VTCN1: variants seen among roughly 807,000 people sequenced by gnomAD.
VTCN1 encodes the protein V-set domain containing T cell activation inhibitor 1.
In VTCN1, 26 loss-of-function variants were observed where a neutral mutation model predicts 26.5. The ratio of observed to expected loss-of-function variants is 0.98; its 90% CI spans 0.72 to 1.36. The LOEUF is 1.36. Ranked by LOEUF, VTCN1 falls within the 40% of genes most tolerant of loss-of-function variation. The probability of loss-of-function intolerance (pLI) is 0.00; values close to 1 mark genes in which losing one functional copy is unlikely to be tolerated. For synonymous variants in VTCN1, 116 were observed against 130.7 expected, an observed-to-expected ratio of 0.89 and a Z score of 0.77; for missense variants, 298 against 337.7, an observed-to-expected ratio of 0.88 and a Z score of 0.92.
intron 1 of VTCN1, among the ~76,000 whole-genome samples, chr1:117,186,443 C>T (rs1248245508): frequency 6.6e-6 from 1 of 152,204 alleles, no homozygotes; most frequent in Non-Finnish European, 1.5e-5. Flanking sequence ...TAACTGGTTA[C>T]AGCTTCCTCC....
At chr1:117,203,290 G>C (rs1015046356) in intron 1 of VTCN1, among the ~76,000 whole-genome samples, 5 of 152,120 alleles carry the variant, frequency 3.3e-5, no homozygotes, top group African/African-American at 2.4e-5. Context: ...AGAGGGAAGA[G>C]AGGTATGAAA....
intron 1 of VTCN1, among the ~76,000 whole-genome samples, chr1:117,192,813 G>A (rs1313879521): frequency 3.3e-5 from 5 of 151,968 alleles, no homozygotes; most frequent in South Asian, 2.1e-4. Context: ...CTACAAAAAA[G>A]TAATCAAATC....
At chr1:117,200,290 C>T (rs978550902) in intron 1 of VTCN1, among the ~76,000 whole-genome samples, 2 of 152,054 alleles carry the variant, frequency 1.3e-5, no homozygotes, top group Non-Finnish European at 1.5e-5. Flanking sequence ...ATCCCAGCTA[C>T]CTGGGAGGCT....
intron 1 of VTCN1, among the ~76,000 whole-genome samples, chr1:117,172,152 A>G (rs1652953106): frequency 9.2e-5 from 14 of 152,204 alleles, no homozygotes; most frequent in Admixed American, 9.2e-4. Flanking sequence ...AAAGAAAGGC[A>G]CAGGGAGGCA....
chr1:117,182,036 G>C (rs373267413), intron 1 of VTCN1, among the ~76,000 whole-genome samples: 1 of 152,100 alleles, frequency 6.6e-6, no homozygotes, highest in Non-Finnish European at 1.5e-5. Context: ...AGAAGCACTT[G>C]GGCTGGCTGC....
intron 1 of VTCN1, among the ~76,000 whole-genome samples, chr1:117,196,008 C>A (rs1157705690): frequency 6.6e-6 from 1 of 152,014 alleles, no homozygotes; most frequent in East Asian, 1.9e-4. Flanking sequence ...AAAATTTAGT[C>A]AGGCATATTG....
intron 2 of VTCN1, among the ~76,000 whole-genome samples, chr1:117,158,773 A>G (rs1283209801): frequency 1.3e-5 from 2 of 152,196 alleles, no homozygotes; most frequent in African/African-American, 4.8e-5. Flanking sequence ...TGCTTCCCTT[A>G]TAAAACTGAA....
At chr1:117,178,671 G>A (rs977182249) in intron 1 of VTCN1, among the ~76,000 whole-genome samples, 1 of 128,012 alleles carries the variant, frequency 7.8e-6, no homozygotes, top group Non-Finnish European at 1.6e-5. Context: ...ATATCTCACT[G>A]TAGCCTTGAA....
rs576065477 is a variant in VTCN1 at position 117,153,309 on chromosome 1, T to C, written c.506A>G (p.Glu169Gly). The C allele has an allele frequency of 1.2e-6, 2 of 1,614,052 alleles. No individual in the cohort carries two copies. The highest frequency in any genetic ancestry group is 1.7e-5 in the Admixed American group (1 of 60,010). ...GGGCTGGGGGAACCATCGGGGAGCCTCACACCGCAAGGTCTCTGAGCTGGC... is the reference window on the plus strand; with the variant it reads ...GGGCTGGGGGAACCATCGGGGAGCCCCACACCGCAAGGTCTCTGAGCTGGC... ...YNASSETLRC[E>G]APRWFPQPTV... Residue 169 changes from glutamate (E) to glycine (G), a missense_variant, in exon 4 of 6, where the codon GAG (glutamate) becomes GGG (glycine). Transcript: ENST00000369458.
At chr1:117,157,002 A>C in intron 2 of VTCN1, 81 bp from the exon 3 acceptor site, 1 of 1,608,310 alleles carries the variant, frequency 6.2e-7, no homozygotes, top group Non-Finnish European at 8.5e-7. Context: ...TGAAAGCCAG[A>C]CAGAGACTTC....
Position 117,150,625 on chromosome 1 carries a change from G to GT in VTCN1, c.724+2465dup, listed in dbSNP as rs543956829. Among the ~76,000 whole-genome samples, 594 of 152,298 alleles carry GT rather than the reference G, an allele frequency of 3.9e-3. 4 individuals are homozygous for GT. The highest frequency in any genetic ancestry group is 0.014 in the African/African-American group (574 of 41,580). On this transcript the variant is annotated intron_variant, in intron 4 of 5. Coordinates refer to ENST00000369458, the MANE Select transcript of VTCN1 (RefSeq NM_024626.4). ...AGTTAGATACTTTTTAAAAATTGCA[G>GT]TAAAAACAACAAAATTTACCATCTT...
At chr1:117,179,082 A>T (rs987083780) in intron 1 of VTCN1, among the ~76,000 whole-genome samples, 10 of 152,184 alleles carry the variant, frequency 6.6e-5, no homozygotes, top group Non-Finnish European at 1.3e-4. Context: ...TTTGGCCCAC[A>T]CTTTAAAAAG....
intron 1 of VTCN1, among the ~76,000 whole-genome samples, chr1:117,185,513 T>C (rs1268385993): frequency 6.6e-6 from 1 of 151,330 alleles, no homozygotes; most frequent in African/African-American, 2.4e-5. Flanking sequence ...GCCAAGGGCA[T>C]TCCAAAGTTA....
chr1:117,178,259 C>CTTTTTTTTTTTTTTTTTTT (rs1194911017), intron 1 of VTCN1, among the ~76,000 whole-genome samples: 1 of 108,356 alleles, frequency 9.2e-6, no homozygotes, highest in African/African-American at 3.5e-5. Flanking sequence ...TCTTTTTTTT[C>CTTTTTTTTTTTTTTTTTTT]TTTTTTTTTT....
chr1:117,153,128 A>G lies in VTCN1; in HGVS notation c.687T>C (p.Asn229=). The change falls in exon 4 of 6, where the codon AAT becomes AAC. Residue 229 remains asparagine (N), a synonymous_variant. Coordinates refer to ENST00000369458, the MANE Select transcript of VTCN1 (RefSeq NM_024626.4). ...INNTYSCMIE[N]DIAKATGDIK... ...TATCCCCTGTTGCTTTGGCAATGTC[A>G]TTTTCAATCATACAGGAGTATGTGT... The G allele has an allele frequency of 6.2e-7, 1 of 1,612,520 alleles. No individual in the cohort carries two copies. Among genetic ancestry groups the G allele is most frequent in the African/African-American group, 1.3e-5 (1 of 75,030 alleles).
intron 1 of VTCN1, among the ~76,000 whole-genome samples, chr1:117,192,148 G>GA (rs1233731682): frequency 4.6e-5 from 7 of 151,928 alleles, no homozygotes; most frequent in African/African-American, 1.5e-4. Flanking sequence ...AAAGCAGCAG[G>GA]AAAAAACAGG....
Position 117,208,342 on chromosome 1 carries a change from A to G in VTCN1, c.32+2482T>C, listed in dbSNP as rs554349071. ...CTGGGTCATATGAACTCATTTTTCA[A>G]GACACAGCCCACCCATTCTCTGGCT... On this transcript the variant is annotated intron_variant, in intron 1 of 5. Coordinates refer to ENST00000369458, the MANE Select transcript of VTCN1 (RefSeq NM_024626.4). Among the ~76,000 whole-genome samples, 4 of 152,250 alleles carry G rather than the reference A, an allele frequency of 2.6e-5. No individual in the cohort carries two copies. The South Asian group carries it at 8.3e-4, about 32-fold the overall frequency.
chr1:117,188,299 A>G (rs1648066336), intron 1 of VTCN1, among the ~76,000 whole-genome samples: 2 of 152,186 alleles, frequency 1.3e-5, no homozygotes, highest in Non-Finnish European at 2.9e-5. Flanking sequence ...CCACTCTTTT[A>G]TGAAGCAAGG....
rs1460264545 is a variant in VTCN1 at position 117,156,786 on chromosome 1, C to T, written c.233G>A (p.Gly78Asp). ...VIQWLKEGVL[G>D]LVHEFKEGKD... ...GCCTTCTTTGAACTCATGGACCAAG[C>T]CTAAAACACCTTCCTTCAGCCATTG... is the stretch of plus-strand genomic sequence containing the variant. The change falls in exon 3 of 6, where the codon GGC becomes GAC. Residue 78 changes from glycine to aspartate, a missense_variant. Gly to Asp is a moderately conservative substitution (Grantham distance 94). Transcript: ENST00000369458. 1.9e-6 allele frequency: 3 copies of T among 1,614,090 alleles called. No individual in the cohort carries two copies. The highest frequency in any genetic ancestry group is 2.5e-6 in the Non-Finnish European group (3 of 1,180,012).
Sources: allele counts gnomAD v4.1 joint callset (sites outside exome capture counted in the v4.1 genomes callset), GRCh38; gene constraint gnomAD v4.1.1; transcripts MANE v1.5; gene names NCBI Gene and HGNC (gene_info 2026-07-23, HGNC 2026-07-21).